LATS2: variants seen among roughly 807,000 people sequenced by gnomAD.
LATS2 encodes serine/threonine-protein kinase LATS2.
In LATS2, 24 loss-of-function variants were observed where a neutral mutation model predicts 76.0. The ratio of observed to expected loss-of-function variants is 0.32; its 90% confidence interval spans 0.23 to 0.44. The LOEUF is 0.44. Ranked by LOEUF, LATS2 falls within the 20% of genes least tolerant of loss-of-function variation. LATS2 has a pLI of 1.00. For missense variants in LATS2, 1,286 were observed against 1,481.2 expected (o/e 0.87, Z 2.16); for synonymous variants, 692 against 635.4 (o/e 1.09, Z -1.34).
rs1871359281 is a variant in LATS2 at position 21,007,634 on chromosome 13, A to ATATATAGTGTG, written c.343-16231_343-16230insCACACTATATA. Among the ~76,000 whole-genome samples the ATATATAGTGTG allele has an allele frequency of 6.9e-3, 8 of 1,154 alleles. 1 individual carries two copies. Among genetic ancestry groups the ATATATAGTGTG allele is most frequent in the Non-Finnish European group, 0.047 (7 of 150 alleles). 0.8% of individuals were successfully genotyped at this position (1,154 alleles called of 152,430 possible). A position where few individuals can be genotyped will look rare whatever the true frequency, so the allele number is the denominator to read the frequency against. On this transcript the variant is annotated intron_variant, in intron 2 of 7. Transcript: ENST00000382592. ...ATATATATATATAGTGTATATATAT[A>ATATATAGTGTG]TATATATATAGTGTGTGTATATATA...
intron 2 of LATS2, among the ~76,000 whole-genome samples, chr13:20,992,811 TG>T (rs1188496989): frequency 3.3e-5 from 5 of 151,604 alleles, no homozygotes; most frequent in Non-Finnish European, 5.9e-5. Context: ...CCGAGGCAGG[TG>T]GATCAAGAGG....
chr13:21,023,527 ACG>A (rs1250192033), intron 2 of LATS2, among the ~76,000 whole-genome samples: 2 of 150,912 alleles, frequency 1.3e-5, no homozygotes, highest in Non-Finnish European at 2.9e-5. Flanking sequence ...AGGACTCTCC[ACG>A]CTGCCGGAGA....
At chr13:21,043,027 T>C (rs1206041156) in intron 2 of LATS2, among the ~76,000 whole-genome samples, 1 of 141,732 alleles carries the variant, frequency 7.1e-6, no homozygotes, top group Non-Finnish European at 1.5e-5. Context: ...GTGAAAGGGG[T>C]AAAGCTGCAA....
Position 21,045,918 on chromosome 13 carries a change from G to T in LATS2, c.109C>A (p.Leu37Ile), listed in dbSNP as rs1462570906. ...GTGTCACTGTTTGGTCCTGCGGGTA[G>T]CCCCTGAACCGAAGACTTGGATGGC... ...KQPSKSSVQG[L>I]PAGPNSDTSL... is the part of the protein sequence containing the mutation. Residue 37 changes from leucine (L) to isoleucine (I), a missense_variant, in exon 2 of 8, where the codon CTA becomes ATA. Around this residue, in one of 5 missense-constraint regions of LATS2, gnomAD observed 101 missense variants for 141.4 expected, o/e 0.71. Coordinates refer to ENST00000382592, the MANE Select transcript of LATS2 (RefSeq NM_014572.3). 13 of 1,614,018 alleles carry T rather than the reference G, an allele frequency of 8.1e-6. No individual in the cohort carries two copies. Among genetic ancestry groups the T allele is most frequent in the Non-Finnish European group, 1.1e-5 (13 of 1,180,008 alleles).
intron 2 of LATS2, among the ~76,000 whole-genome samples, chr13:21,030,607 A>AG (rs1555226884): frequency 0.084 from 10,314 of 122,354 alleles, 1,219 homozygotes; most frequent in East Asian, 0.48. Flanking sequence ...AAAAAAAAAA[A>AG]AAAAGAAAAA....
chr13:20,988,799 C>T lies in LATS2; in HGVS notation c.981G>A (p.Gln327=), dbSNP rs1417801231. Residue 327 remains glutamine (Q), a synonymous_variant, in exon 4 of 8, where the codon CAG becomes CAA. Transcript: ENST00000382592. ...HHKQAGPAAH[Q]LHVLGSRSQV... is the part of the protein sequence containing the mutation. The stretch of plus-strand genomic sequence containing the variant: ...GGCTGCGGGAGCCCAGCACATGCAG[C>T]TGGTGGGCCGCGGGACCGGCCTGCT... 1 of 1,595,236 alleles carries T rather than the reference C, an allele frequency of 6.3e-7. No homozygotes were observed. Among genetic ancestry groups the T allele is most frequent in the Non-Finnish European group, 8.5e-7 (1 of 1,176,682 alleles).
intron 2 of LATS2, among the ~76,000 whole-genome samples, chr13:20,997,597 G>T (rs546522691): frequency 6.6e-6 from 1 of 152,302 alleles, no homozygotes; most frequent in South Asian, 2.1e-4. Flanking sequence ...GTCCCTCGGG[G>T]AAGCTGGCCT....
intron 2 of LATS2, among the ~76,000 whole-genome samples, chr13:21,033,915 C>T (rs1357068329): frequency 6.6e-6 from 1 of 152,016 alleles, no homozygotes; most frequent in Non-Finnish European, 1.5e-5. Context: ...ACCACAAGGA[C>T]ACACACATTC....
rs1555225508 is a variant in LATS2 at position 21,007,699 on chromosome 13, A to AGT, written c.343-16297_343-16296dup. Among the ~76,000 whole-genome samples, 15 of 586 alleles carry AGT rather than the reference A, an allele frequency of 0.026. 4 individuals carry two copies. In the South Asian group the frequency reaches 0.32, roughly 12 times the overall value. 0.4% of individuals were successfully genotyped at this position (586 alleles called of 152,430 possible). A position where few individuals can be genotyped will look rare whatever the true frequency, so the allele number is the denominator to read the frequency against. ...ATATATATAGTATATATATATATAT[A>AGT]GTATGTATATATATATATATATAGT... On this transcript the variant is annotated intron_variant, in intron 2 of 7. Coordinates refer to ENST00000382592, the MANE Select transcript of LATS2 (RefSeq NM_014572.3).
intron 5 of LATS2, among the ~76,000 whole-genome samples, 162 bp from the exon 6 acceptor site, chr13:20,981,810 G>A (rs144119196): frequency 6.6e-6 from 1 of 152,342 alleles, no homozygotes; most frequent in African/African-American, 2.4e-5. Context: ...CTCCATAGGG[G>A]CAGCCTGCTG....
intron 6 of LATS2, 82 bp from the exon 7 acceptor site, chr13:20,979,879 G>C: frequency 1.3e-6 from 1 of 784,348 alleles, no homozygotes; most frequent in South Asian, 1.7e-5. Context: ...TGAACATACA[G>C]ATTTCCTGTT....
At position 21,010,092 on chromosome 13, in the gene LATS2, C is replaced by T. The variant is rs182829649; in HGVS notation, c.343-18688G>A. 1.1e-3 allele frequency among the ~76,000 whole-genome samples: 165 copies of T among 152,086 alleles called. 1 individual carries two copies. Among genetic ancestry groups the T allele is most frequent in the Middle Eastern group, 0.01 (3 of 294 alleles). On this transcript the variant is annotated intron_variant, in intron 2 of 7. Coordinates refer to ENST00000382592, the MANE Select transcript of LATS2 (RefSeq NM_014572.3). The stretch of plus-strand genomic sequence containing the variant: ...GTGTGTGCCTGAAATCCCAGCTACT[C>T]GGGAGGCTGAGGCACGAGAATCGGT...
chr13:21,040,020 C>T (rs2138394778), intron 2 of LATS2, among the ~76,000 whole-genome samples: 2 of 151,990 alleles, frequency 1.3e-5, no homozygotes, highest in East Asian at 3.9e-4. Flanking sequence ...TTGCAGTAAG[C>T]CGAGATAGCT....
intron 4 of LATS2, 33 bp downstream of exon 4, chr13:20,987,848 G>A (rs1175834424): frequency 2.5e-6 from 4 of 1,597,948 alleles, no homozygotes; most frequent in South Asian, 1.1e-5. Context: ...GGATGAGCCG[G>A]GAACAAATAG....
Position 20,974,363 on chromosome 13 carries a change from T to TA in LATS2, c.*506dup, listed in dbSNP as rs371115757. The TA allele has an allele frequency of 4.5e-6, 1 of 223,696 alleles. No individual in the cohort carries two copies. Among genetic ancestry groups the TA allele is most frequent in the African/African-American group, 2.3e-5 (1 of 44,222 alleles). The allele number at this position is 223,696 out of a possible 1,614,324, so 13.9% of individuals were successfully genotyped here. A position where few individuals can be genotyped will look rare whatever the true frequency, so the allele number is the denominator to read the frequency against. ...CACAATTTTGAAACATGGGAAAAAA[T>TA]AAAAAACAAAAACCATTGTGTGGAT... On this transcript the variant is annotated 3_prime_UTR_variant, in exon 8 of 8. Coordinates refer to ENST00000382592, the MANE Select transcript of LATS2 (RefSeq NM_014572.3).
At chr13:21,007,699 A>ATATATATAGT (rs1173839566) in intron 2 of LATS2, among the ~76,000 whole-genome samples, 14 of 586 alleles carry the variant, frequency 0.024, 2 homozygotes, top group Non-Finnish European at 0.063. Context: ...ATATATATAT[A>ATATATATAGT]GTATGTATAT....
chr13:21,005,515 T>C (rs1053330470), intron 2 of LATS2: 3 of 152,220 alleles, frequency 2.0e-5, no homozygotes, highest in Non-Finnish European at 4.4e-5. Flanking sequence ...GAACTTCCAG[T>C]GTTTTTCTGA....
chr13:21,059,221 T>C (rs1476066798), intron 1 of LATS2, among the ~76,000 whole-genome samples: 2 of 152,244 alleles, frequency 1.3e-5, no homozygotes, highest in African/African-American at 4.8e-5. Context: ...TGTTCAGCTA[T>C]TAATTTGAAT....
At chr13:21,058,137 A>G (rs1649548037) in intron 1 of LATS2, among the ~76,000 whole-genome samples, 1 of 152,264 alleles carries the variant, frequency 6.6e-6, no homozygotes, top group South Asian at 2.1e-4. Flanking sequence ...CTTTCTGATC[A>G]TCAGAATATT....
Sources: allele counts gnomAD v4.1 joint callset (sites outside exome capture counted in the v4.1 genomes callset), GRCh38; gene constraint gnomAD v4.1.1; regional missense constraint gnomAD v4.1.1; transcripts MANE v1.5; gene names NCBI Gene and HGNC (gene_info 2026-07-23, HGNC 2026-07-21).